Variants in AGAP1 observed in about 807,000 individuals in gnomAD.
AGAP1 encodes ArfGAP with GTPase domain, ankyrin repeat and PH domain 1.
Under a neutral mutation model 105.3 loss-of-function variants are expected in AGAP1, and 29 were observed. That is an observed-to-expected ratio of 0.28 (90% CI 0.21 to 0.38). The LOEUF is 0.38. Among genes scored for constraint, AGAP1 ranks in the 10% least tolerant of loss-of-function variants. AGAP1 has a pLI of 1.00. For synonymous variants in AGAP1, 509 were observed against 485.9 expected (o/e 1.05, Z -0.63); for missense variants, 998 against 1,165.1 (o/e 0.86, Z 2.09).
chr2:236,041,266 ATTT>A (rs71039704), intron 15 of AGAP1, among the ~76,000 whole-genome samples: 7 of 148,182 alleles, frequency 4.7e-5, no homozygotes, highest in African/African-American at 7.4e-5. Context: ...TCACTTGTTG[ATTT>A]TTTTTTTTTT....
chr2:235,922,087 C>T (rs2052209451), intron 11 of AGAP1, among the ~76,000 whole-genome samples: 1 of 152,214 alleles, frequency 6.6e-6, no homozygotes, highest in African/African-American at 2.4e-5. Context: ...CCGGTTTTCC[C>T]ACACATGCGC....
intron 2 of AGAP1, among the ~76,000 whole-genome samples, chr2:235,711,094 A>G (rs1162711221): frequency 6.6e-6 from 1 of 152,220 alleles, no homozygotes; most frequent in African/African-American, 2.4e-5. Context: ...ACTGCCTGAC[A>G]GAACTTTCTC....
Position 235,578,564 on chromosome 2 carries a change from C to G in AGAP1, c.163+83715C>G, listed in dbSNP as rs894202450. Reference sequence around the variant, plus strand: ...TTGGGAGGCTGAGGCAGGCGGATCACTTGAGGTCAGGAGTTTGAGACCAGC... The same window carrying G: ...TTGGGAGGCTGAGGCAGGCGGATCAGTTGAGGTCAGGAGTTTGAGACCAGC... On this transcript the variant is annotated intron_variant, in intron 1 of 17. Coordinates refer to ENST00000304032, the MANE Select transcript of AGAP1 (RefSeq NM_001037131.3). The surrounding 1 kb of genome is among the most constrained non-coding windows in gnomAD (Gnocchi z 4.9). Among the ~76,000 whole-genome samples the G allele has an allele frequency of 1.3e-5, 2 of 152,090 alleles. No homozygotes were observed. The highest frequency in any genetic ancestry group is 6.5e-5 in the Admixed American group (1 of 15,272).
chr2:236,015,759 C>G (rs2056678431), intron 13 of AGAP1, among the ~76,000 whole-genome samples: 1 of 152,068 alleles, frequency 6.6e-6, no homozygotes, highest in South Asian at 2.1e-4. Flanking sequence ...GTCAAGTAAT[C>G]GCAAGCTCGT....
Position 236,096,706 on chromosome 2 carries a change from G to A in AGAP1, c.2115-23486G>A, listed in dbSNP as rs1361337172. ...TGATTCTTCTGCCTCGGCCTCCTGA[G>A]TAGCTGGGATTACAGGTGCCCACCA... On this transcript the variant is annotated intron_variant, in intron 16 of 17. Transcript: ENST00000304032. The surrounding 1 kb of genome is among the most constrained non-coding windows in gnomAD (Gnocchi z 4.4). Among the ~76,000 whole-genome samples the A allele has an allele frequency of 6.6e-6, 1 of 151,802 alleles. No homozygotes were observed. The highest frequency in any genetic ancestry group is 1.5e-5 in the Non-Finnish European group (1 of 67,966).
At position 236,087,920 on chromosome 2, in the gene AGAP1, C is replaced by T. The variant is rs2058972501; in HGVS notation, c.2115-32272C>T. On this transcript the variant is annotated intron_variant, in intron 16 of 17. Transcript: ENST00000304032. This position sits in a 1 kb window ranked among gnomAD's most constrained non-coding sequence, Gnocchi z 5.7. ...CTTAAAGATGTGTAAAGACCTTGAA[C>T]ATCAGCATCTGGCACAGCCAGGGGA... Among the ~76,000 whole-genome samples the T allele has an allele frequency of 6.6e-6, 1 of 152,182 alleles. No homozygotes were observed. The highest frequency in any genetic ancestry group is 1.5e-5 in the Non-Finnish European group (1 of 68,036).
rs1946264762 is a variant in AGAP1 at position 235,615,054 on chromosome 2, A to G, written c.164-94125A>G. Among the ~76,000 whole-genome samples, 1 of 152,210 alleles carries G rather than the reference A, an allele frequency of 6.6e-6. No individual in the cohort carries two copies. Among genetic ancestry groups the G allele is most frequent in the African/African-American group, 2.4e-5 (1 of 41,450 alleles). On this transcript the variant is annotated intron_variant, in intron 1 of 17. Coordinates refer to ENST00000304032, the MANE Select transcript of AGAP1 (RefSeq NM_001037131.3). The surrounding 1 kb of genome is among the most constrained non-coding windows in gnomAD (Gnocchi z 5.0). The stretch of plus-strand genomic sequence containing the variant: ...GGTGTGGTTTTTTAAAATTTCTAAT[A>G]AAATGCAAATGATTACAGCCCCTTC...
chr2:235,713,383 C>G (rs191622127), intron 2 of AGAP1, among the ~76,000 whole-genome samples: 478 of 152,342 alleles, frequency 3.1e-3, no homozygotes, highest in Non-Finnish European at 5.2e-3. Context: ...GTCCACACAG[C>G]CTGGCTTGAG....
At chr2:235,851,544 C>G (rs982549790) in intron 9 of AGAP1, among the ~76,000 whole-genome samples, 5 of 152,104 alleles carry the variant, frequency 3.3e-5, no homozygotes, top group African/African-American at 1.2e-4. Context: ...CAGTTACTTG[C>G]TACCAATGTC....
intron 6 of AGAP1, among the ~76,000 whole-genome samples, chr2:235,756,529 T>C (rs1261719603): frequency 6.6e-6 from 1 of 152,152 alleles, no homozygotes; most frequent in African/African-American, 2.4e-5. Flanking sequence ...ATGCCCTTTC[T>C]CTCTTCACTC....
chr2:235,878,042 G>A (rs2049832440), intron 9 of AGAP1, among the ~76,000 whole-genome samples: 1 of 152,206 alleles, frequency 6.6e-6, no homozygotes, highest in Admixed American at 6.5e-5. Context: ...TTGAGAGAAG[G>A]GCCCACGGTG....
rs1205771315 is a variant in AGAP1, at chr2:235,589,189, G to GTTTTT, written c.163+94344_163+94345insTTTTT. Among the ~76,000 whole-genome samples the GTTTTT allele has an allele frequency of 5.3e-3, 289 of 54,908 alleles. 58 individuals are homozygous for GTTTTT. The highest frequency in any genetic ancestry group is 0.031 in the Middle Eastern group (2 of 64). 36.0% of individuals were successfully genotyped at this position (54,908 alleles called of 152,430 possible). On this transcript the variant is annotated intron_variant, in intron 1 of 17. Coordinates refer to ENST00000304032, the MANE Select transcript of AGAP1 (RefSeq NM_001037131.3). ...GAGAACTACCAGTTAATAGCTTATT[G>GTTTTT]TTTTGTTTTTTTTTTTTTTTTTTTT...
Position 235,714,467 on chromosome 2 carries a change from A to G in AGAP1, c.223-3090A>G, listed in dbSNP as rs1182840677. Among the ~76,000 whole-genome samples the G allele has an allele frequency of 6.6e-6, 1 of 151,906 alleles. No homozygotes were observed. Among genetic ancestry groups the G allele is most frequent in the Non-Finnish European group, 1.5e-5 (1 of 67,978 alleles). The stretch of plus-strand genomic sequence containing the variant: ...GGTTTCGGGGAATGATTGATATGGA[A>G]AGCTTTAGTTGCCTGGAGACAGCAA... On this transcript the variant is annotated intron_variant, in intron 2 of 17. Coordinates refer to ENST00000304032, the MANE Select transcript of AGAP1 (RefSeq NM_001037131.3). The surrounding 1 kb of genome is among the most constrained non-coding windows in gnomAD (Gnocchi z 4.1).
intron 1 of AGAP1, among the ~76,000 whole-genome samples, chr2:235,699,212 C>G (rs1172349855): frequency 2.6e-5 from 4 of 152,122 alleles, no homozygotes. Context: ...ACTGCTGGGG[C>G]ATGGGAACAG....
chr2:236,120,480 G>C lies in AGAP1; in HGVS notation c.2370+33G>C. ...GTCGGCACGCCTGGCAGAGGACGGG[G>C]CCACAGGAGGCACTCTCTGCTTTGT... On this transcript the variant is annotated intron_variant, in intron 17 of 17. Coordinates refer to ENST00000304032, the MANE Select transcript of AGAP1 (RefSeq NM_001037131.3). This position sits in a 1 kb window ranked among gnomAD's most constrained non-coding sequence, Gnocchi z 6.0. The C allele has an allele frequency of 1.2e-6, 2 of 1,609,062 alleles. No individual in the cohort carries two copies. Among genetic ancestry groups the C allele is most frequent in the Non-Finnish European group, 1.7e-6 (2 of 1,178,750 alleles).
At chr2:235,684,761 C>T (rs760142337) in intron 1 of AGAP1, among the ~76,000 whole-genome samples, 3 of 152,098 alleles carry the variant, frequency 2.0e-5, no homozygotes, top group Non-Finnish European at 2.9e-5. Flanking sequence ...TTTAGAGCTG[C>T]GTCAGATGAA....
At position 236,078,370 on chromosome 2, in the gene AGAP1, T is replaced by G. The variant is rs1035253103; in HGVS notation, c.2114+29089T>G. ...GATAATTGCCTTTGTTTGGAGTCCA[T>G]GGACTATAAGTGACATCTACAAAAG... On this transcript the variant is annotated intron_variant, in intron 16 of 17. Transcript: ENST00000304032. This position sits in a 1 kb window ranked among gnomAD's most constrained non-coding sequence, Gnocchi z 5.3. Among the ~76,000 whole-genome samples, 2 of 152,130 alleles carry G rather than the reference T, an allele frequency of 1.3e-5. No individual in the cohort carries two copies. The highest frequency in any genetic ancestry group is 2.9e-5 in the Non-Finnish European group (2 of 68,016).
At position 235,556,554 on chromosome 2, in the gene AGAP1, G is replaced by T. The variant is rs1009715087; in HGVS notation, c.163+61705G>T. On this transcript the variant is annotated intron_variant, in intron 1 of 17. Transcript: ENST00000304032. This position sits in a 1 kb window ranked among gnomAD's most constrained non-coding sequence, Gnocchi z 5.3. Reference sequence around the variant, plus strand: ...GTTTTCTGCTCTGACCAGGCACCTTGGGGGAGGGAAGGCATCAGGAGCCTT... The same window carrying T: ...GTTTTCTGCTCTGACCAGGCACCTTTGGGGAGGGAAGGCATCAGGAGCCTT... 6.6e-6 allele frequency among the ~76,000 whole-genome samples: 1 copy of T among 152,204 alleles called. No homozygotes were observed. Among genetic ancestry groups the T allele is most frequent in the Non-Finnish European group, 1.5e-5 (1 of 68,044 alleles).
rs930671275 is a variant in AGAP1, at chr2:236,040,644, G to A, written c.1801-107G>A. 1.0e-5 allele frequency: 9 copies of A among 896,502 alleles called. No homozygotes were observed. Among genetic ancestry groups the A allele is most frequent in the Admixed American group, 6.9e-5 (3 of 43,220 alleles). 55.5% of individuals were successfully genotyped at this position (896,502 alleles called of 1,614,324 possible). A position where few individuals can be genotyped will look rare whatever the true frequency, so the allele number is the denominator to read the frequency against. On this transcript the variant is annotated intron_variant, in intron 14 of 17. Coordinates refer to ENST00000304032, the MANE Select transcript of AGAP1 (RefSeq NM_001037131.3). This position sits in a 1 kb window ranked among gnomAD's most constrained non-coding sequence, Gnocchi z 5.6. ...GAGTGATTGTTTAGAAATTACCCTC[G>A]TCCTACATTTGCTCCCAATCTGTTT...
Sources: allele counts gnomAD v4.1 joint callset (sites outside exome capture counted in the v4.1 genomes callset), GRCh38; gene constraint gnomAD v4.1.1; non-coding constraint Gnocchi (gnomAD v3.1); transcripts MANE v1.5; gene names NCBI Gene and HGNC (gene_info 2026-07-23, HGNC 2026-07-21).